The following CAST variants were observed in gnomAD, a reference collection of about 807,000 sequenced individuals.
The protein encoded by CAST is MIR583 host.
A neutral mutation model predicts 119.6 loss-of-function variants in CAST; 76 were observed. The ratio of observed to expected loss-of-function variants is 0.64; its 90% confidence interval spans 0.53 to 0.77. The LOEUF is 0.77. CAST is among the 30% of genes least tolerant of loss of function. CAST has a pLI of 0.00. For synonymous variants in CAST, 319 were observed against 331.6 expected (o/e 0.96, Z 0.41); for missense variants, 953 against 946.5 (o/e 1.01, Z -0.09).
the CAST span, among the ~76,000 whole-genome samples, chr5:96,177,042 A>G: frequency 1.3e-5 from 2 of 152,210 alleles, no homozygotes; most frequent in Admixed American, 6.5e-5. Context: ...AGTTGGTCAC[A>G]CATGTGAGTT....
At chr5:96,183,130 G>C in the CAST span, among the ~76,000 whole-genome samples, 1 of 149,096 alleles carries the variant, frequency 6.7e-6, no homozygotes, top group African/African-American at 2.5e-5. Context: ...GACAGAACAA[G>C]ACTCTGTCTC....
intron 1 of CAST, among the ~76,000 whole-genome samples, chr5:96,578,502 C>A (rs1010247622): frequency 6.6e-6 from 1 of 151,408 alleles, no homozygotes; most frequent in African/African-American, 2.4e-5. Context: ...GTTTCATTTC[C>A]TCTGTTTATC....
At chr5:96,011,289 G>A in the CAST span, among the ~76,000 whole-genome samples, 1 of 152,192 alleles carries the variant, frequency 6.6e-6, no homozygotes, top group East Asian at 1.9e-4. Flanking sequence ...CAGACATTAA[G>A]GATCATGAAG....
chr5:96,448,540 C>A, the CAST span, among the ~76,000 whole-genome samples: 2 of 152,134 alleles, frequency 1.3e-5, no homozygotes, highest in African/African-American at 4.8e-5. Flanking sequence ...TACATGAATT[C>A]TTTGAACTAT....
chr5:96,397,609 C>T, the CAST span: 3 of 726,306 alleles, frequency 4.1e-6, no homozygotes, highest in Admixed American at 4.5e-5. Context: ...AGGATAGAGA[C>T]ACTCACAAGG....
chr5:96,544,829 T>TAA lies in CAST; in HGVS notation c.60+14958_60+14959dup, dbSNP rs397732689. Reference sequence around the variant, plus strand: ...AAAAACCAGAGAGTTTAGGAGTGGATAAAAAAAAAACACAACTATATTTCC... The same window carrying TAA: ...AAAAACCAGAGAGTTTAGGAGTGGATAAAAAAAAAAAACACAACTATATTTCC... On this transcript the variant is annotated intron_variant, in intron 1 of 11. Coordinates refer to the CAST transcript ENST00000505143. Among the ~76,000 whole-genome samples the TAA allele has an allele frequency of 7.7e-3, 1,142 of 148,066 alleles. 20 individuals carry two copies. The highest frequency in any genetic ancestry group is 0.024 in the African/African-American group (982 of 40,570).
chr5:96,227,995 TTC>T, the CAST span, among the ~76,000 whole-genome samples: 4,596 of 139,580 alleles, frequency 0.033, 123 homozygotes, highest in African/African-American at 0.084. Context: ...GTCTCCCTCT[TTC>T]TCTCTCTGTG....
At chr5:96,426,495 C>A in the CAST span, among the ~76,000 whole-genome samples, 1 of 152,066 alleles carries the variant, frequency 6.6e-6, no homozygotes, top group Admixed American at 6.6e-5. Context: ...AGACACAGAT[C>A]CTGGGTGATG....
the CAST span, chr5:95,961,680 G>C: frequency 1.3e-5 from 21 of 1,606,654 alleles, no homozygotes; most frequent in South Asian, 5.5e-5. Context: ...ACAGCCCATA[G>C]CGCTGCTCCT....
chr5:96,620,441 C>T (rs1174166345), intron 1 of CAST, among the ~76,000 whole-genome samples: 4 of 152,014 alleles, frequency 2.6e-5, no homozygotes, highest in East Asian at 1.9e-4. Flanking sequence ...TCTTGTGGTG[C>T]TGGGCAGCAG....
At chr5:95,998,383 A>T in the CAST span, among the ~76,000 whole-genome samples, 1 of 152,116 alleles carries the variant, frequency 6.6e-6, no homozygotes, top group African/African-American at 2.4e-5. Flanking sequence ...TGTACCTAAT[A>T]GGTAATTTTT....
At chr5:96,487,101 T>C in the CAST span, among the ~76,000 whole-genome samples, 1 of 151,402 alleles carries the variant, frequency 6.6e-6, no homozygotes, top group Non-Finnish European at 1.5e-5. Flanking sequence ...AGAGCATCAC[T>C]GTAATCTGTA....
intron 24 of CAST, among the ~76,000 whole-genome samples, chr5:96,759,275 A>G (rs935352787): frequency 6.6e-6 from 1 of 152,168 alleles, no homozygotes; most frequent in Non-Finnish European, 1.5e-5. Flanking sequence ...GTTCATCTGT[A>G]AAAGAGTAGC....
At chr5:96,186,789 A>G in the CAST span, among the ~76,000 whole-genome samples, 16 of 152,150 alleles carry the variant, frequency 1.1e-4, no homozygotes, top group Admixed American at 3.9e-4. Context: ...ATGTTCATCA[A>G]GGATATTCGC....
intron 1 of CAST, among the ~76,000 whole-genome samples, chr5:96,558,392 C>T (rs1011294944): frequency 6.6e-6 from 1 of 151,712 alleles, no homozygotes; most frequent in African/African-American, 2.4e-5. Flanking sequence ...ACAAAAAAAC[C>T]CTTCAAAAAA....
intron 1 of CAST, among the ~76,000 whole-genome samples, chr5:96,668,569 G>C (rs1219341773): frequency 6.6e-6 from 1 of 152,178 alleles, no homozygotes; most frequent in African/African-American, 2.4e-5. Flanking sequence ...AATGAACCAG[G>C]TGCCTCACTA....
At chr5:96,397,270 C>T in the CAST span, 1 of 1,409,518 alleles carries the variant, frequency 7.1e-7, no homozygotes, top group Non-Finnish European at 1.0e-6. Flanking sequence ...ATGAAATCAA[C>T]CTTAAAAGTG....
At chr5:96,191,089 C>G in the CAST span, among the ~76,000 whole-genome samples, 1 of 152,140 alleles carries the variant, frequency 6.6e-6, no homozygotes, top group Non-Finnish European at 1.5e-5. Flanking sequence ...GCACAGTAGT[C>G]CATGGAGCTT....
In CAST at chr5:96,726,878, C is replaced by T; in HGVS notation, c.336+19C>T. The T allele has an allele frequency of 6.4e-7, 1 of 1,568,436 alleles. No homozygotes were observed. The highest frequency in any genetic ancestry group is 8.8e-7 in the Non-Finnish European group (1 of 1,140,258). ...AAAACAGGTGATGTTGTTCATTGTA[C>T]TAGGGCATCTCTGTTTACTAACGGT... is the stretch of plus-strand genomic sequence containing the variant. On this transcript the variant is annotated intron_variant, in intron 5 of 31. Coordinates refer to ENST00000675179, the MANE Select transcript of CAST (RefSeq NM_001750.7).
Sources: allele counts gnomAD v4.1 joint callset (sites outside exome capture counted in the v4.1 genomes callset), GRCh38; gene constraint gnomAD v4.1.1; transcripts MANE v1.5; gene names NCBI Gene and HGNC (gene_info 2026-07-23, HGNC 2026-07-21).